PCDHA7: variants seen among roughly 807,000 people sequenced by gnomAD.
The protein encoded by PCDHA7 is protocadherin alpha-7.
A neutral mutation model predicts 57.2 loss-of-function variants in PCDHA7; 37 were observed. That is an observed-to-expected ratio of 0.65 (90% confidence interval 0.50 to 0.85). PCDHA7 has a LOEUF of 0.85. Among genes scored for constraint, PCDHA7 ranks in the 40% least tolerant of loss-of-function variants. PCDHA7 has a pLI of 0.00. For synonymous variants in PCDHA7, 553 were observed against 558.8 expected (o/e 0.99, Z 0.15); for missense variants, 1,188 against 1,241.8 (o/e 0.96, Z 0.65).
At chr5:140,989,863 TTCTC>T (rs2097364159) in intron 3 of PCDHA7, among the ~76,000 whole-genome samples, 1 of 151,988 alleles carries the variant, frequency 6.6e-6, no homozygotes, top group Non-Finnish European at 1.5e-5. Flanking sequence ...AGAGGAATCT[TTCTC>T]TGCCTCAGCA....
At chr5:140,892,945 T>C (rs1554185456) in intron 1 of PCDHA7, among the ~76,000 whole-genome samples, 3 of 152,336 alleles carry the variant, frequency 2.0e-5, no homozygotes, top group South Asian at 2.1e-4. Flanking sequence ...AGCACAATAC[T>C]ACTTCCATGA....
intron 1 of PCDHA7, chr5:140,842,938 C>A: frequency 1.3e-6 from 2 of 1,594,552 alleles, no homozygotes; most frequent in East Asian, 2.2e-5. Context: ...GCGCGCGCGA[C>A]GCGGGCGTGC....
chr5:140,980,657 A>G (rs553240428), intron 2 of PCDHA7, among the ~76,000 whole-genome samples: 2 of 151,966 alleles, frequency 1.3e-5, no homozygotes, highest in Non-Finnish European at 2.9e-5. Context: ...ATAAAATAAC[A>G]TAACTTCCTT....
intron 3 of PCDHA7, among the ~76,000 whole-genome samples, chr5:140,998,104 G>A (rs1554256160): frequency 6.6e-6 from 1 of 152,132 alleles, no homozygotes; most frequent in African/African-American, 2.4e-5. Context: ...GCAAACAGAG[G>A]AGAAAATTTA....
chr5:140,842,399 C>G, intron 1 of PCDHA7: 1 of 1,611,446 alleles, frequency 6.2e-7, no homozygotes, highest in Non-Finnish European at 8.5e-7. Flanking sequence ...CTTGCCTGTA[C>G]GTGAAGACGC....
chr5:140,875,179 A>G, intron 1 of PCDHA7: 1 of 444,474 alleles, frequency 2.2e-6, no homozygotes, highest in East Asian at 4.2e-5. Context: ...AAACATTAGA[A>G]TTAAGAGTGA....
chr5:140,977,640 G>A (rs2096769670), intron 1 of PCDHA7, among the ~76,000 whole-genome samples: 1 of 152,124 alleles, frequency 6.6e-6, no homozygotes, highest in South Asian at 2.1e-4. Flanking sequence ...CTTTTTCTGG[G>A]CCTTGACTTT....
intron 1 of PCDHA7, chr5:140,884,027 G>C (rs2059948411): frequency 6.2e-7 from 1 of 1,613,258 alleles, no homozygotes; most frequent in Admixed American, 1.7e-5. Context: ...GTCGGTGGGT[G>C]CAGGCCACGT....
Position 140,870,220 on chromosome 5 carries a change from G to A in PCDHA7, c.2355+33482G>A, listed in dbSNP as rs199741132. 3.2e-5 allele frequency: 52 copies of A among 1,614,042 alleles called. No individual in the cohort carries two copies. The highest frequency in any genetic ancestry group is 2.7e-5 in the Non-Finnish European group (32 of 1,180,040). ...CAGCACGGTCATTGCCCTGATCAGC[G>A]TGTCTGACCGTGACTCAGGTGTCAA... On this transcript the variant is annotated intron_variant, in intron 1 of 3. Transcript: ENST00000525929.
In PCDHA7 at chr5:140,850,828, C is replaced by G. The variant is rs2150499866; in HGVS notation, c.2355+14090C>G. 6.3e-7 allele frequency: 1 copy of G among 1,598,230 alleles called. No homozygotes were observed. Among genetic ancestry groups the G allele is most frequent in the East Asian group, 2.2e-5 (1 of 44,856 alleles). On this transcript the variant is annotated intron_variant, in intron 1 of 3. Coordinates refer to ENST00000525929, the MANE Select transcript of PCDHA7 (RefSeq NM_018910.3). ...ATGGCCTTCAGCCCGGGCCTTTCTC[C>G]TTGTGCTGGATCTACAGAGCGAACG...
chr5:140,870,325 C>T (rs1554164071), intron 1 of PCDHA7: 1 of 1,614,080 alleles, frequency 6.2e-7, no homozygotes, highest in African/African-American at 1.3e-5. Context: ...CTCGTTGGTG[C>T]TGGACAGCGC....
chr5:140,884,484 T>TA, intron 1 of PCDHA7: 1 of 1,613,922 alleles, frequency 6.2e-7, no homozygotes, highest in Non-Finnish European at 8.5e-7. Flanking sequence ...AAGCCCACTC[T>TA]AGTGTGCTCC....
intron 1 of PCDHA7, among the ~76,000 whole-genome samples, chr5:140,893,162 G>A (rs2063851714): frequency 6.6e-6 from 1 of 152,202 alleles, no homozygotes; most frequent in Non-Finnish European, 1.5e-5. Flanking sequence ...GGATATTGAG[G>A]TTGATTCCAC....
In PCDHA7 at chr5:140,843,265, G is replaced by T. The variant is rs2150356257; in HGVS notation, c.2355+6527G>T. ...CGGACTCTCCGCGCCACCGTCTGCT[G>T]GTCCTGGTGAAGGATCATGGTGAAC... On this transcript the variant is annotated intron_variant, in intron 1 of 3. Transcript: ENST00000525929. 33 of 1,595,976 alleles carry T rather than the reference G, an allele frequency of 2.1e-5. 4 individuals are homozygous for T. Among genetic ancestry groups the T allele is most frequent in the Non-Finnish European group, 2.7e-5 (32 of 1,165,590 alleles).
intron 1 of PCDHA7, among the ~76,000 whole-genome samples, chr5:140,905,962 G>A (rs2072248192): frequency 6.6e-6 from 1 of 152,198 alleles, no homozygotes; most frequent in Non-Finnish European, 1.5e-5. Flanking sequence ...TTCAAGGGGA[G>A]GAAGATCCAG....
rs374326542 is a variant in PCDHA7, at chr5:140,927,218, A to G, written c.2356-51731A>G. The G allele has an allele frequency of 2.5e-6, 4 of 1,613,972 alleles. No individual in the cohort carries two copies. The African/African-American group carries it at 5.3e-5, about 22-fold the overall frequency. On this transcript the variant is annotated intron_variant, in intron 1 of 3. Coordinates refer to ENST00000525929, the MANE Select transcript of PCDHA7 (RefSeq NM_018910.3). ...CTCGAGGACCCGCTGGAGCTGCACA[A>G]GATTCGGATTCACGTCCTGGACACC...
At chr5:140,927,360 T>G in intron 1 of PCDHA7, 1 of 1,613,972 alleles carries the variant, frequency 6.2e-7, no homozygotes, top group Non-Finnish European at 8.5e-7. Flanking sequence ...AGGGAAGCAA[T>G]GGGATACTAA....
chr5:140,913,138 T>C (rs1367874502), intron 1 of PCDHA7, among the ~76,000 whole-genome samples: 1 of 152,204 alleles, frequency 6.6e-6, no homozygotes, highest in East Asian at 1.9e-4. Flanking sequence ...CTCTACTTTT[T>C]GGAATAGTTT....
Position 140,877,431 on chromosome 5 carries a change from C to T in PCDHA7, c.2355+40693C>T, listed in dbSNP as rs782442127. 8.1e-6 allele frequency: 13 copies of T among 1,613,836 alleles called. No homozygotes were observed. The Admixed American group carries it at 2.2e-4, about 27-fold the overall frequency. On this transcript the variant is annotated intron_variant, in intron 1 of 3. Transcript: ENST00000525929. ...ACCGCCTGCTGGTGCTGGTGAAGGA[C>T]CACGGTGAGCCCGCGCTGACGTCCA...
Sources: allele counts gnomAD v4.1 joint callset (sites outside exome capture counted in the v4.1 genomes callset), GRCh38; gene constraint gnomAD v4.1.1; transcripts MANE v1.5; gene names NCBI Gene and HGNC (gene_info 2026-07-23, HGNC 2026-07-21).